The following KSR2 variants were observed in gnomAD, a reference collection of about 807,000 sequenced individuals.
KSR2 encodes the protein kinase suppressor of ras 2.
In KSR2, 25 loss-of-function variants were observed where a neutral mutation model predicts 107.8. That is an observed-to-expected ratio of 0.23 (90% confidence interval 0.17 to 0.32). The LOEUF (loss-of-function observed/expected upper bound fraction) is 0.32, where lower values mean the gene tolerates loss of function less well. KSR2 is among the 10% of genes least tolerant of loss of function. The pLI is 1.00. For synonymous variants in KSR2, 480 were observed against 507.0 expected, an observed-to-expected ratio of 0.95 and a Z score of 0.71; for missense variants, 887 against 1,268.9, an observed-to-expected ratio of 0.70 and a Z score of 4.57.
chr12:117,711,385 C>A (rs1377936284), intron 4 of KSR2, among the ~76,000 whole-genome samples: 2 of 152,188 alleles, frequency 1.3e-5, no homozygotes, highest in East Asian at 1.9e-4. Context: ...AGGCAGGAAG[C>A]ACTTGCAGGC....
chr12:117,456,542 C>A lies in KSR2; in HGVS notation c.*10657G>T, dbSNP rs1307821431. ...GCACTTAAGCTGCCAATGCCCCAAC[C>A]TGGGCAGGGCTGTGTTGGGGAGAGG... is the stretch of plus-strand genomic sequence containing the variant. On this transcript the variant is annotated 3_prime_UTR_variant, in exon 20 of 20. Coordinates refer to ENST00000339824, the MANE Select transcript of KSR2 (RefSeq NM_173598.6). 6.6e-6 allele frequency: 1 copy of A among 152,216 alleles called. No homozygotes were observed. Among genetic ancestry groups the A allele is most frequent in the Non-Finnish European group, 1.5e-5 (1 of 68,050 alleles). 9.4% of individuals were successfully genotyped at this position (152,216 alleles called of 1,614,324 possible). A position where few individuals can be genotyped will look rare whatever the true frequency, so the allele number is the denominator to read the frequency against.
At chr12:117,585,533 C>T (rs777716406) in intron 5 of KSR2, among the ~76,000 whole-genome samples, 6 of 152,198 alleles carry the variant, frequency 3.9e-5, no homozygotes, top group Non-Finnish European at 8.8e-5. Flanking sequence ...CAGCTTCCTA[C>T]GTGGGCAAGA....
chr12:117,585,198 A>T (rs1593020943), intron 5 of KSR2, among the ~76,000 whole-genome samples: 1 of 152,176 alleles, frequency 6.6e-6, no homozygotes, highest in Non-Finnish European at 1.5e-5. Flanking sequence ...ATCAAGGTAG[A>T]GAATTCCTGA....
At chr12:117,823,034 G>T (rs1449672108) in intron 3 of KSR2, among the ~76,000 whole-genome samples, 1 of 151,884 alleles carries the variant, frequency 6.6e-6, no homozygotes, top group African/African-American at 2.4e-5. Flanking sequence ...ATCAGAATCA[G>T]CTAGGGAAAA....
intron 1 of KSR2, among the ~76,000 whole-genome samples, chr12:117,959,935 G>GAAAA (rs143626382): frequency 1.0e-5 from 1 of 99,036 alleles, no homozygotes; most frequent in Non-Finnish European, 2.2e-5. Context: ...TGTCTCAAAA[G>GAAAA]AAAAAAAAAA....
chr12:117,583,618 C>A (rs921728760), intron 5 of KSR2, among the ~76,000 whole-genome samples: 1 of 152,172 alleles, frequency 6.6e-6, no homozygotes, highest in African/African-American at 2.4e-5. Flanking sequence ...TCTCAGCGAA[C>A]TGTACTATCA....
At chr12:117,893,973 G>C (rs1051831460) in intron 1 of KSR2, among the ~76,000 whole-genome samples, 1 of 148,270 alleles carries the variant, frequency 6.7e-6, no homozygotes, top group Non-Finnish European at 1.5e-5. Context: ...GCAGTGGCGC[G>C]ATCTCGGCTC....
At chr12:117,935,639 T>C (rs1048686189) in intron 1 of KSR2, among the ~76,000 whole-genome samples, 1 of 152,174 alleles carries the variant, frequency 6.6e-6, no homozygotes, top group Non-Finnish European at 1.5e-5. Flanking sequence ...TGGGCGCCTG[T>C]GATCCTAGCT....
At chr12:117,572,699 TAA>T (rs35907962) in intron 7 of KSR2, among the ~76,000 whole-genome samples, 170 of 123,598 alleles carry the variant, frequency 1.4e-3, no homozygotes, top group African/African-American at 1.8e-3. Flanking sequence ...TCCAGCCCAT[TAA>T]AAAAAAAAAA....
chr12:117,500,174 G>A lies in KSR2; in HGVS notation c.2220-14483C>T, dbSNP rs112077465. 1.9e-3 allele frequency among the ~76,000 whole-genome samples: 282 copies of A among 152,328 alleles called. 3 individuals carry two copies. The highest frequency in any genetic ancestry group is 6.5e-3 in the African/African-American group (272 of 41,570). ...AGGCATAGAAATGTTTTGAACTCAG[G>A]TTGTAGACTAACATTAGGAATTACT... On this transcript the variant is annotated intron_variant, in intron 14 of 19. Coordinates refer to ENST00000339824, the MANE Select transcript of KSR2 (RefSeq NM_173598.6).
At chr12:117,542,458 T>A (rs909029358) in intron 9 of KSR2, among the ~76,000 whole-genome samples, 1 of 152,118 alleles carries the variant, frequency 6.6e-6, no homozygotes, top group Non-Finnish European at 1.5e-5. Context: ...CTTATGAAAC[T>A]CTAGTACAAT....
chr12:117,612,030 T>C (rs1228402696), intron 5 of KSR2, among the ~76,000 whole-genome samples: 1 of 152,182 alleles, frequency 6.6e-6, no homozygotes, highest in Non-Finnish European at 1.5e-5. Context: ...GAAAAAGTTC[T>C]GGAAGTGGAT....
chr12:117,862,753 G>A (rs59214512), intron 1 of KSR2, among the ~76,000 whole-genome samples: 14,397 of 140,940 alleles, frequency 0.1, 993 homozygotes, highest in African/African-American at 0.19. Flanking sequence ...TTTTTGAGAC[G>A]GAGTCTCGCT....
chr12:117,609,370 T>C (rs11612924), intron 5 of KSR2, among the ~76,000 whole-genome samples: 7,969 of 152,308 alleles, frequency 0.052, 313 homozygotes, highest in South Asian at 0.074. Flanking sequence ...CCCCAGCTCA[T>C]AGAATCTCCA....
intron 3 of KSR2, among the ~76,000 whole-genome samples, chr12:117,839,949 C>G (rs79648991): frequency 0.042 from 6,392 of 152,200 alleles, 418 homozygotes; most frequent in African/African-American, 0.14. Flanking sequence ...TTAAGTTACA[C>G]AACTACTTAT....
At chr12:117,864,470 AT>A (rs777132539) in intron 1 of KSR2, among the ~76,000 whole-genome samples, 16 of 152,350 alleles carry the variant, frequency 1.1e-4, no homozygotes, top group Non-Finnish European at 1.6e-4. Flanking sequence ...TATAGCCTAG[AT>A]TATCCACTGA....
At position 117,782,936 on chromosome 12, in the gene KSR2, G is replaced by A. The variant is rs905157929; in HGVS notation, c.473-21412C>T. Reference sequence around the variant, plus strand: ...GAATGGGGGACTACACATAATAATCGCAAAAAATGCTCATGGGTTTCTAAA... The same window carrying A: ...GAATGGGGGACTACACATAATAATCACAAAAAATGCTCATGGGTTTCTAAA... On this transcript the variant is annotated intron_variant, in intron 3 of 19. Transcript: ENST00000339824. Among the ~76,000 whole-genome samples, 4 of 152,034 alleles carry A rather than the reference G, an allele frequency of 2.6e-5. No individual in the cohort carries two copies. In the South Asian group the frequency reaches 6.2e-4, roughly 24 times the overall value.
chr12:117,951,905 C>T (rs116628051), intron 1 of KSR2, among the ~76,000 whole-genome samples: 1 of 151,970 alleles, frequency 6.6e-6, no homozygotes, highest in East Asian at 1.9e-4. Context: ...TGAAATAAGG[C>T]AGACAGAGAA....
At chr12:117,660,983 C>A (rs1385195209) in intron 5 of KSR2, among the ~76,000 whole-genome samples, 1 of 152,192 alleles carries the variant, frequency 6.6e-6, no homozygotes, top group Non-Finnish European at 1.5e-5. Flanking sequence ...ACAGAAGGAC[C>A]TTAAGTCTCC....
Sources: allele counts gnomAD v4.1 joint callset (sites outside exome capture counted in the v4.1 genomes callset), GRCh38; gene constraint gnomAD v4.1.1; transcripts MANE v1.5; gene names NCBI Gene and HGNC (gene_info 2026-07-23, HGNC 2026-07-21).